NEK1: variants seen among roughly 807,000 people sequenced by gnomAD.
The protein encoded by NEK1 is serine/threonine-protein kinase Nek1.
A neutral mutation model predicts 182.1 loss-of-function variants in NEK1; 137 were observed. The ratio of observed to expected loss-of-function variants is 0.75; its 90% CI spans 0.65 to 0.87. NEK1 has a LOEUF of 0.87. NEK1 is among the 40% of genes least tolerant of loss of function. The pLI, the probability that NEK1 is intolerant of heterozygous loss-of-function variation, is 0.00. For synonymous variants in NEK1, 513 were observed against 492.2 expected (o/e 1.04, Z -0.56); for missense variants, 1,391 against 1,494.4 (o/e 0.93, Z 1.14).
At chr4:169,441,252 T>C (rs551124703) in intron 27 of NEK1, among the ~76,000 whole-genome samples, 160 of 152,296 alleles carry the variant, frequency 1.1e-3, no homozygotes, top group African/African-American at 3.7e-3. Flanking sequence ...GAATGTGCAC[T>C]TGTGTGCACC....
intron 27 of NEK1, among the ~76,000 whole-genome samples, chr4:169,458,849 A>G (rs1481825980): frequency 6.6e-6 from 1 of 151,516 alleles, no homozygotes; most frequent in Non-Finnish European, 1.5e-5. Flanking sequence ...AAAAAAGACA[A>G]TGTCAAGAGA....
At chr4:169,610,130 T>C (rs991892617) in intron 2 of NEK1, among the ~76,000 whole-genome samples, 6 of 151,888 alleles carry the variant, frequency 4.0e-5, no homozygotes, top group African/African-American at 1.2e-4. Context: ...GCCTCCCAAG[T>C]AGCTGGGATT....
intron 12 of NEK1, among the ~76,000 whole-genome samples, chr4:169,566,478 C>G (rs1420483144): frequency 6.6e-6 from 1 of 152,028 alleles, no homozygotes; most frequent in African/African-American, 2.4e-5. Flanking sequence ...TGAAGTATAA[C>G]ATAATATATT....
intron 18 of NEK1, among the ~76,000 whole-genome samples, chr4:169,551,419 A>C (rs1449139449): frequency 2.0e-5 from 3 of 152,236 alleles, no homozygotes; most frequent in African/African-American, 4.8e-5. Flanking sequence ...TGAAGAATAA[A>C]ATGTGGCAGA....
At chr4:169,550,140 C>T (rs1038943766) in intron 18 of NEK1, among the ~76,000 whole-genome samples, 2 of 152,094 alleles carry the variant, frequency 1.3e-5, no homozygotes, top group African/African-American at 2.4e-5. Context: ...ATCATGATGG[C>T]GGGTCTTTCC....
intron 28 of NEK1, among the ~76,000 whole-genome samples, chr4:169,437,127 T>C (rs1301255031): frequency 1.3e-5 from 2 of 152,180 alleles, no homozygotes; most frequent in Admixed American, 6.5e-5. Context: ...TAGGGACCAA[T>C]GACTGCTATC....
chr4:169,439,345 T>C (rs1029181617), intron 27 of NEK1, among the ~76,000 whole-genome samples: 14 of 152,200 alleles, frequency 9.2e-5, no homozygotes, highest in Admixed American at 3.9e-4. Flanking sequence ...CTTAGCTCAG[T>C]TAATTTCCAG....
chr4:169,579,223 A>G (rs1413413118), intron 11 of NEK1, among the ~76,000 whole-genome samples: 1 of 152,234 alleles, frequency 6.6e-6, no homozygotes, highest in African/African-American at 2.4e-5. Flanking sequence ...TATCAGTAAT[A>G]CTACTCCTAT....
intron 29 of NEK1, among the ~76,000 whole-genome samples, chr4:169,426,666 GC>G (rs1478986730): frequency 1.3e-5 from 2 of 152,296 alleles, no homozygotes; most frequent in Admixed American, 6.5e-5. Flanking sequence ...GAATGGGAAT[GC>G]CCCTTAAGAG....
At chr4:169,451,165 AG>A (rs1277194051) in intron 27 of NEK1, among the ~76,000 whole-genome samples, 5 of 152,362 alleles carry the variant, frequency 3.3e-5, no homozygotes, top group African/African-American at 9.6e-5. Flanking sequence ...AAAGAGACTT[AG>A]ACTCCCACAC....
Position 169,477,454 on chromosome 4 carries a change from T to C in NEK1, c.2183A>G (p.Gln728Arg). Residue 728 changes from glutamine (Q) to arginine (R), a missense_variant, in exon 25 of 36, where the codon CAA becomes CGA. By Grantham distance (43) the Gln-to-Arg change is conservative. Transcript: ENST00000507142. ...TDTRETSEEMQKTNNAISSKR... is the reference protein window; with the variant it reads ...TDTRETSEEMRKTNNAISSKR... ...TACTGAAATAGCATTGTTGGTCTTT[T>C]GCATCTCTTCTGAAGTTTCCCGGGT... 1.2e-6 allele frequency: 2 copies of C among 1,607,796 alleles called. No homozygotes were observed. The highest frequency in any genetic ancestry group is 1.7e-6 in the Non-Finnish European group (2 of 1,177,032).
intron 19 of NEK1, among the ~76,000 whole-genome samples, chr4:169,524,332 C>T (rs930417441): frequency 1.3e-5 from 2 of 151,902 alleles, no homozygotes; most frequent in Non-Finnish European, 2.9e-5. Flanking sequence ...AGTGTGGTGG[C>T]GCATGCCTGT....
At chr4:169,577,756 A>AAAT (rs372782497) in intron 11 of NEK1, among the ~76,000 whole-genome samples, 2,219 of 151,198 alleles carry the variant, frequency 0.015, 41 homozygotes, top group African/African-American at 0.047. Context: ...TCCGTCTCAA[A>AAAT]AATAATAATA....
chr4:169,537,299 ATAACT>A (rs1297583088), intron 19 of NEK1, among the ~76,000 whole-genome samples: 18 of 152,360 alleles, frequency 1.2e-4, no homozygotes, highest in East Asian at 1.9e-4. Context: ...TCTTGGATAC[ATAACT>A]TAATTTAGTT....
chr4:169,399,777 T>C (rs1261643014), intron 35 of NEK1, among the ~76,000 whole-genome samples: 3 of 152,050 alleles, frequency 2.0e-5, no homozygotes, highest in Admixed American at 6.5e-5. Flanking sequence ...CCCACCACTA[T>C]GCCTAGCTAA....
chr4:169,491,829 A>G (rs1346110401), intron 23 of NEK1, among the ~76,000 whole-genome samples: 1 of 152,250 alleles, frequency 6.6e-6, no homozygotes, highest in Non-Finnish European at 1.5e-5. Context: ...ATGAAGTCCA[A>G]AATGTAAAAA....
intron 32 of NEK1, among the ~76,000 whole-genome samples, chr4:169,404,309 A>G (rs1163139657): frequency 6.6e-6 from 1 of 152,146 alleles, no homozygotes; most frequent in African/African-American, 2.4e-5. Flanking sequence ...TTTCTTCTAG[A>G]TTGTAAGGTC....
At chr4:169,496,616 G>C (rs1417035466) in intron 23 of NEK1, among the ~76,000 whole-genome samples, 1 of 147,636 alleles carries the variant, frequency 6.8e-6, no homozygotes, top group Non-Finnish European at 1.5e-5. Flanking sequence ...AGCATGAAGG[G>C]CTGTTGAATT....
intron 27 of NEK1, among the ~76,000 whole-genome samples, chr4:169,445,865 T>TATATATATATATATATATATACAC (rs569539235): frequency 7.0e-6 from 1 of 143,218 alleles, no homozygotes; most frequent in African/African-American, 2.8e-5. Context: ...TATATATATA[T>TATATATATATATATATATATACAC]ACACACACAC....
Sources: gnomAD v4.1 joint callset for allele counts (sites outside exome capture counted in the v4.1 genomes callset) on GRCh38, gnomAD v4.1.1 for gene constraint, MANE v1.5 for transcripts, NCBI Gene and HGNC (gene_info 2026-07-23, HGNC 2026-07-21) for gene names.